The following NPAS3 variants were observed in gnomAD, a reference collection of about 807,000 sequenced individuals.
NPAS3 encodes the protein neuronal PAS domain protein 3.
A neutral mutation model predicts 73.1 loss-of-function variants in NPAS3; 14 were observed. The observed-to-expected ratio is 0.19, with a 90% CI of 0.13 to 0.30. NPAS3 has a LOEUF of 0.30. Among genes scored for constraint, NPAS3 ranks in the 10% least tolerant of loss-of-function variants. The pLI, the probability that NPAS3 is intolerant of heterozygous loss-of-function variation, is 1.00. For synonymous variants in NPAS3, 620 were observed against 541.5 expected (o/e 1.14, Z -2.01); for missense variants, 1,096 against 1,250.0 (o/e 0.88, Z 1.86).
upstream of NPAS3, among the ~76,000 whole-genome samples, chr14:32,938,036 C>T (rs1043943476): frequency 6.6e-6 from 1 of 152,188 alleles, no homozygotes; most frequent in Admixed American, 6.5e-5. Flanking sequence ...AGTCCGGTCC[C>T]AAGTCCCGGG....
At chr14:33,400,931 C>CTT (rs10709040) in intron 4 of NPAS3, among the ~76,000 whole-genome samples, 1 of 150,616 alleles carries the variant, frequency 6.6e-6, no homozygotes, top group Non-Finnish European at 1.5e-5. Context: ...TACTTTTTGT[C>CTT]TTTTTTTTTT....
chr14:33,569,738 C>T (rs541997074), intron 5 of NPAS3, among the ~76,000 whole-genome samples: 1 of 152,314 alleles, frequency 6.6e-6, no homozygotes, highest in East Asian at 1.9e-4. Context: ...CATATTTGTT[C>T]CTACTCTACT....
intron 4 of NPAS3, among the ~76,000 whole-genome samples, chr14:33,454,061 A>C (rs978829016): frequency 1.3e-5 from 2 of 151,740 alleles, no homozygotes; most frequent in African/African-American, 4.9e-5. Flanking sequence ...CAGGGACTAA[A>C]TTTCATGCTC....
intron 2 of NPAS3, among the ~76,000 whole-genome samples, chr14:33,086,136 T>C (rs933738770): frequency 1.3e-5 from 2 of 152,326 alleles, no homozygotes; most frequent in Non-Finnish European, 2.9e-5. Flanking sequence ...ATGATGTGTA[T>C]TTTTCTTCCA....
At chr14:33,567,286 A>T (rs2056003882) in intron 5 of NPAS3, among the ~76,000 whole-genome samples, 1 of 152,220 alleles carries the variant, frequency 6.6e-6, no homozygotes, top group African/African-American at 2.4e-5. Flanking sequence ...AGTGAACAAG[A>T]CGTGCTTCCT....
chr14:33,262,791 A>G (rs1238438820), intron 3 of NPAS3, among the ~76,000 whole-genome samples: 2 of 152,132 alleles, frequency 1.3e-5, no homozygotes, highest in Admixed American at 6.6e-5. Context: ...TGAAAAAGTA[A>G]CTGATTTTTT....
chr14:33,253,765 C>G (rs1337528601), intron 3 of NPAS3, among the ~76,000 whole-genome samples: 1 of 151,926 alleles, frequency 6.6e-6, no homozygotes, highest in Non-Finnish European at 1.5e-5. Context: ...TGTGGTTTTA[C>G]CCACTACCTA....
chr14:33,260,676 A>G (rs568748510), intron 3 of NPAS3, among the ~76,000 whole-genome samples: 64 of 152,244 alleles, frequency 4.2e-4, no homozygotes, highest in African/African-American at 1.3e-3. Flanking sequence ...CTCACCGATA[A>G]CAGTTTTGTC....
chr14:33,609,839 A>G (rs935816712), intron 5 of NPAS3, among the ~76,000 whole-genome samples: 1 of 152,154 alleles, frequency 6.6e-6, no homozygotes, highest in African/African-American at 2.4e-5. Flanking sequence ...GTCTGACTCC[A>G]ATCAGGAGTT....
chr14:33,551,890 G>C (rs2055135048), intron 4 of NPAS3, among the ~76,000 whole-genome samples: 1 of 152,230 alleles, frequency 6.6e-6, no homozygotes. Context: ...CAACCTGCAA[G>C]AGGTCTGGAG....
chr14:33,081,644 C>T (rs1473930641), intron 2 of NPAS3, among the ~76,000 whole-genome samples: 1 of 152,184 alleles, frequency 6.6e-6, no homozygotes, highest in South Asian at 2.1e-4. Flanking sequence ...TGGTTTAATT[C>T]TTTTGCATTC....
chr14:33,434,933 A>AG (rs1262204128), intron 4 of NPAS3, among the ~76,000 whole-genome samples: 2 of 152,254 alleles, frequency 1.3e-5, no homozygotes, highest in African/African-American at 2.4e-5. Context: ...AGTAATTTTG[A>AG]GGGGGGTGTG....
At chr14:33,408,962 G>A (rs1236292236) in intron 4 of NPAS3, among the ~76,000 whole-genome samples, 1 of 152,116 alleles carries the variant, frequency 6.6e-6, no homozygotes, top group East Asian at 1.9e-4. Context: ...TTTATTTTTG[G>A]ACACAAATGC....
rs138692779 is a variant in NPAS3, at chr14:32,951,171, G to A, written c.50+11805G>A. 3.7e-4 allele frequency among the ~76,000 whole-genome samples: 57 copies of A among 152,060 alleles called. 1 individual carries two copies. The highest frequency in any genetic ancestry group is 1.3e-3 in the African/African-American group (54 of 41,498). On this transcript the variant is annotated intron_variant, in intron 1 of 11. Transcript: ENST00000356141. Reference sequence around the variant, plus strand: ...TCTACCTAGGTTCTTTAACCTTTCAGAGCCTCAGTTTCTTTATTTTCATAC... The same window carrying A: ...TCTACCTAGGTTCTTTAACCTTTCAAAGCCTCAGTTTCTTTATTTTCATAC...
At chr14:32,986,949 T>C (rs952262754) in intron 1 of NPAS3, among the ~76,000 whole-genome samples, 1 of 152,210 alleles carries the variant, frequency 6.6e-6, no homozygotes, top group Admixed American at 6.5e-5. Flanking sequence ...CCCGCGGTGC[T>C]GAGAATAAGT....
chr14:32,935,872 A>G (rs902464306), upstream of NPAS3, among the ~76,000 whole-genome samples: 1 of 152,240 alleles, frequency 6.6e-6, no homozygotes, highest in African/African-American at 2.4e-5. Context: ...GCGCTGAGAA[A>G]AACTAACAAT....
intron 2 of NPAS3, among the ~76,000 whole-genome samples, chr14:33,197,851 T>G (rs2046431290): frequency 6.6e-6 from 1 of 152,244 alleles, no homozygotes; most frequent in South Asian, 2.1e-4. Flanking sequence ...GGATTCTTGG[T>G]CTCACTGACT....
At chr14:33,139,604 C>T (rs151235904) in intron 2 of NPAS3, among the ~76,000 whole-genome samples, 1 of 152,162 alleles carries the variant, frequency 6.6e-6, no homozygotes, top group African/African-American at 2.4e-5. Flanking sequence ...CTCCTCCTGA[C>T]AATTTGTTTC....
At chr14:33,463,010 G>A (rs1435014340) in intron 4 of NPAS3, among the ~76,000 whole-genome samples, 2 of 152,174 alleles carry the variant, frequency 1.3e-5, no homozygotes, top group Admixed American at 1.3e-4. Context: ...GTGAGTTAAC[G>A]ATTTCCTTAT....
Sources: allele counts gnomAD v4.1 joint callset (sites outside exome capture counted in the v4.1 genomes callset), GRCh38; gene constraint gnomAD v4.1.1; transcripts MANE v1.5; gene names NCBI Gene and HGNC (gene_info 2026-07-23, HGNC 2026-07-21).